The following MTM1 variants were observed in gnomAD, a reference collection of about 807,000 sequenced individuals.
MTM1 encodes myotubularin 1.
Under a neutral mutation model 52.1 loss-of-function variants are expected in MTM1, and 9 were observed. The observed-to-expected ratio is 0.17, with a 90% CI of 0.10 to 0.30. The LOEUF (loss-of-function observed/expected upper bound fraction) is 0.30, where lower values mean the gene tolerates loss of function less well. MTM1 is among the 10% of genes least tolerant of loss of function. The pLI, the probability that MTM1 is intolerant of heterozygous loss-of-function variation, is 1.00. For missense variants in MTM1, 277 were observed against 470.7 expected (o/e 0.59, Z 3.81); for synonymous variants, 136 against 163.8 (o/e 0.83, Z 1.29).
intron 1 of MTM1, among the ~76,000 whole-genome samples, chrX:150,574,616 G>A (rs1288564799): frequency 1.8e-5 from 2 of 112,032 alleles, no homozygotes; most frequent in African/African-American, 6.5e-5. Context: ...ATGTGTCATC[G>A]ACATAATAAT....
chrX:150,564,423 G>A (rs1257167290), upstream of MTM1, among the ~76,000 whole-genome samples: 4 of 110,935 alleles, frequency 3.6e-5, no homozygotes, highest in Non-Finnish European at 7.6e-5. Flanking sequence ...TCACTCTGTC[G>A]CCAGGCTGGA....
chrX:150,670,703 T>A (rs1408461082), intron 14 of MTM1, among the ~76,000 whole-genome samples: 2 of 111,740 alleles, frequency 1.8e-5, no homozygotes, highest in Non-Finnish European at 3.8e-5. Flanking sequence ...CTGGTGAGGT[T>A]GAAAAGACCA....
intron 9 of MTM1, among the ~76,000 whole-genome samples, chrX:150,647,033 T>A (rs782746655): frequency 9.0e-6 from 1 of 111,006 alleles, no homozygotes; most frequent in Non-Finnish European, 1.9e-5. Flanking sequence ...GAGATGATTT[T>A]GAAATTATAT....
At chrX:150,653,995 CA>C (rs1454528794) in intron 10 of MTM1, among the ~76,000 whole-genome samples, 1 of 111,344 alleles carries the variant, frequency 9.0e-6, no homozygotes, top group Admixed American at 9.5e-5. Context: ...TCAATTGGCC[CA>C]AAGCACGAGA....
At chrX:150,617,927 CT>C (rs1342988719) in intron 5 of MTM1, among the ~76,000 whole-genome samples, 4 of 106,835 alleles carry the variant, frequency 3.7e-5, no homozygotes, top group Admixed American at 3.0e-4. Context: ...CTGTAATTGA[CT>C]TTTTTTTTTA....
chrX:150,596,598 A>G, intron 3 of MTM1, 28 bp downstream of exon 3: 2 of 1,160,036 alleles, frequency 1.7e-6, no homozygotes, highest in Non-Finnish European at 2.4e-6. Flanking sequence ...TAAGATTTGC[A>G]TAACTTGAGG....
At chrX:150,565,883 C>G (rs930758414), upstream of MTM1, among the ~76,000 whole-genome samples, 3 of 111,098 alleles carry the variant, frequency 2.7e-5, no homozygotes, top group African/African-American at 9.8e-5. Context: ...ATTGCCCCCT[C>G]CTCTCTATTG....
intron 6 of MTM1, among the ~76,000 whole-genome samples, chrX:150,619,729 C>CT (rs1262201385): frequency 8.9e-6 from 1 of 111,736 alleles, no homozygotes; most frequent in African/African-American, 3.3e-5. Context: ...GCCTTGCCTC[C>CT]TTTTTTACTG....
chrX:150,563,026 C>G, the MTM1 span, among the ~76,000 whole-genome samples: 1 of 111,229 alleles, frequency 9.0e-6, no homozygotes, highest in Non-Finnish European at 1.9e-5. Flanking sequence ...TCCAGGTAAG[C>G]TCTCTCTGTC....
At chrX:150,648,988 G>A (rs2039977615) in intron 9 of MTM1, among the ~76,000 whole-genome samples, 1 of 112,705 alleles carries the variant, frequency 8.9e-6, no homozygotes, top group South Asian at 3.6e-4. Flanking sequence ...AATGGGGACA[G>A]TAATACCTAT....
chrX:150,670,046 G>T (rs968541752), intron 14 of MTM1, among the ~76,000 whole-genome samples: 8 of 111,904 alleles, frequency 7.1e-5, no homozygotes, highest in Non-Finnish European at 1.5e-4. Context: ...AAGCTTTCTA[G>T]AAAGTGCTTG....
At position 150,628,152 on chromosome X, in the gene MTM1, A is replaced by G. The variant is rs999249535; in HGVS notation, c.444+9013A>G. ...TCCTGTGCCCCAAGAGGCCATGAAA[A>G]CCAGTTCTGGAAGTGGCCTGAAAGT... is the stretch of plus-strand genomic sequence containing the variant. On this transcript the variant is annotated intron_variant, in intron 6 of 14. Transcript: ENST00000370396. 7.2e-5 allele frequency among the ~76,000 whole-genome samples: 8 copies of G among 110,995 alleles called. No homozygotes were observed. The South Asian group carries it at 3.1e-3, about 43-fold the overall frequency.
chrX:150,596,578 C>A lies in MTM1; in HGVS notation c.136+8C>A. ...GAGAAACACTAATCACTGGTAAGGA[C>A]CTGCTGACATAAGATTTGCATAACT... is the stretch of plus-strand genomic sequence containing the variant. On this transcript the variant is annotated splice_region_variant and intron_variant, in intron 3 of 14. Transcript: ENST00000370396. 8.4e-7 allele frequency: 1 copy of A among 1,195,898 alleles called. No individual in the cohort carries two copies. The highest frequency in any genetic ancestry group is 2.5e-4 in the Middle Eastern group (1 of 4,069).
At chrX:150,565,415 T>G (rs2038249805), upstream of MTM1, among the ~76,000 whole-genome samples, 1 of 111,943 alleles carries the variant, frequency 8.9e-6, no homozygotes, top group Non-Finnish European at 1.9e-5. Context: ...TTTTCATTCC[T>G]AATTTTCTTT....
intron 5 of MTM1, among the ~76,000 whole-genome samples, 193 bp downstream of exon 5, chrX:150,614,892 C>T (rs1557413101): frequency 2.7e-5 from 3 of 111,533 alleles, no homozygotes; most frequent in Non-Finnish European, 5.6e-5. Context: ...GGACCCACTG[C>T]AATCACCAAA....
Position 150,622,308 on chromosome X carries a change from A to G in MTM1, c.444+3169A>G, listed in dbSNP as rs190045891. Among the ~76,000 whole-genome samples the G allele has an allele frequency of 2.1e-4, 24 of 112,009 alleles. No individual in the cohort carries two copies. In the East Asian group the frequency reaches 4.7e-3, roughly 22 times the overall value. ...CTTAAAAAAAGTTTGCCAGTCACCA[A>G]TACAATGCAAGATACAGATTGAAAC... On this transcript the variant is annotated intron_variant, in intron 6 of 14. Coordinates refer to ENST00000370396, the MANE Select transcript of MTM1 (RefSeq NM_000252.3).
rs1240519501 is a variant in MTM1 at position 150,649,401 on chromosome X, G to A, written c.868-315G>A. Reference sequence around the variant, plus strand: ...AGATACAAAACTAATGGAGAACGAGGACCTTTCACAACCTGCTTTTGCCTT... The same window carrying A: ...AGATACAAAACTAATGGAGAACGAGAACCTTTCACAACCTGCTTTTGCCTT... On this transcript the variant is annotated intron_variant, in intron 9 of 14. Transcript: ENST00000370396. Among the ~76,000 whole-genome samples the A allele has an allele frequency of 3.6e-5, 4 of 112,498 alleles. No homozygotes were observed. In the Admixed American group the frequency reaches 3.8e-4, roughly 11 times the overall value.
At chrX:150,666,383 C>G (rs1283337641) in intron 14 of MTM1, among the ~76,000 whole-genome samples, 2 of 112,525 alleles carry the variant, frequency 1.8e-5, no homozygotes, top group African/African-American at 6.5e-5. Context: ...TTTCTGTTTA[C>G]TCTTTTCAGT....
At chrX:150,658,482 A>G (rs1557414545) in intron 11 of MTM1, among the ~76,000 whole-genome samples, 3 of 111,810 alleles carry the variant, frequency 2.7e-5, no homozygotes. Context: ...GAATGGATGT[A>G]AAGTTTTCTT....
Sources: allele counts gnomAD v4.1 joint callset (sites outside exome capture counted in the v4.1 genomes callset), GRCh38; gene constraint gnomAD v4.1.1; transcripts MANE v1.5; gene names NCBI Gene and HGNC (gene_info 2026-07-23, HGNC 2026-07-21).